Variants in VIPR2 observed in about 807,000 individuals in gnomAD.
VIPR2 encodes vasoactive intestinal peptide receptor 2.
A neutral mutation model predicts 58.0 loss-of-function variants in VIPR2; 48 were observed. That is an observed-to-expected ratio of 0.83 (90% CI 0.66 to 1.05). The LOEUF is 1.05. VIPR2 is among the 50% of genes least tolerant of loss of function. VIPR2 has a pLI of 0.00. For missense variants in VIPR2, 534 were observed against 558.0 expected (o/e 0.96, Z 0.43); for synonymous variants, 243 against 235.2 (o/e 1.03, Z -0.30).
Position 159,132,986 on chromosome 7 carries a change from T to C in VIPR2, c.151+9460A>G, listed in dbSNP as rs4909114. Among the ~76,000 whole-genome samples, 106 of 107,144 alleles carry C rather than the reference T, an allele frequency of 9.9e-4. 2 individuals carry two copies. The highest frequency in any genetic ancestry group is 2.2e-3 in the African/African-American group (53 of 24,626). The allele number at this position is 107,144 out of a possible 152,430, so 70.3% of individuals were successfully genotyped here. On this transcript the variant is annotated intron_variant, in intron 2 of 12. Transcript: ENST00000262178. ...GAATGATTGGCATACCGATTGATTT[T>C]AGACAGAATGATTGGCATACAGATT...
chr7:159,081,313 A>T (rs368061732), intron 4 of VIPR2, among the ~76,000 whole-genome samples: 2 of 152,314 alleles, frequency 1.3e-5, no homozygotes, highest in East Asian at 3.9e-4. Context: ...AAATAATGCC[A>T]CATATCTACA....
chr7:159,095,119 C>T lies in VIPR2; in HGVS notation c.357+8638G>A, dbSNP rs569258253. Among the ~76,000 whole-genome samples, 4 of 152,226 alleles carry T rather than the reference C, an allele frequency of 2.6e-5. No individual in the cohort carries two copies. The highest frequency in any genetic ancestry group is 3.9e-4 in the East Asian group (2 of 5,188). ...GCTAGGGAGAGTTCCAGATTAAAGC[C>T]GGGGAGCCACCACAACCACACACAG... On this transcript the variant is annotated intron_variant, in intron 4 of 12. Transcript: ENST00000262178. The surrounding 1 kb of genome is among the most constrained non-coding windows in gnomAD (Gnocchi z 5.2).
In VIPR2 at chr7:159,142,529, G is replaced by C; in HGVS notation, c.68C>G (p.Pro23Arg). The change falls in exon 2 of 13, where the codon CCA (proline) becomes CGA (arginine). Residue 23 changes from proline (P) to arginine (R), a missense_variant. Around this residue, in one of 3 missense-constraint regions of VIPR2, gnomAD observed 224 missense variants for 255.7 expected, o/e 0.88. Coordinates refer to ENST00000262178, the MANE Select transcript of VIPR2 (RefSeq NM_003382.5). ...WLLAPVNSIH[P>R]ECRFHLEIQE... ...TATTTCCAGATGAAATCGGCATTCT[G>C]GGTGAATGCTGTTCACCTGTTCACG... 6.2e-7 allele frequency: 1 copy of C among 1,612,418 alleles called. No homozygotes were observed. Among genetic ancestry groups the C allele is most frequent in the Non-Finnish European group, 8.5e-7 (1 of 1,178,714 alleles).
intron 5 of VIPR2, among the ~76,000 whole-genome samples, chr7:159,050,881 A>G (rs542798267): frequency 6.6e-6 from 1 of 152,368 alleles, no homozygotes; most frequent in Non-Finnish European, 1.5e-5. Context: ...CTTTCAGAGG[A>G]AAAAAGACAC....
At chr7:159,074,266 T>G (rs1417953723) in intron 4 of VIPR2, among the ~76,000 whole-genome samples, 2 of 152,126 alleles carry the variant, frequency 1.3e-5, no homozygotes, top group Non-Finnish European at 2.9e-5. Flanking sequence ...GGGCCTAAAG[T>G]GAGGAAACTG....
chr7:159,062,738 A>C (rs565189057), intron 4 of VIPR2, among the ~76,000 whole-genome samples: 1 of 152,112 alleles, frequency 6.6e-6, no homozygotes, highest in South Asian at 2.1e-4. Flanking sequence ...ACATAAGGAG[A>C]CCCAGTGAAT....
In VIPR2 at chr7:159,030,994, C is replaced by T. The variant is rs554573641; in HGVS notation, c.1144-205G>A. ...GACGGCCACAGGAGGGCGGGGGACG[C>T]TGCCAGACTCTAAGACTGTGCGTGG... is the stretch of plus-strand genomic sequence containing the variant. On this transcript the variant is annotated intron_variant, in intron 12 of 12. Coordinates refer to ENST00000262178, the MANE Select transcript of VIPR2 (RefSeq NM_003382.5). Among the ~76,000 whole-genome samples the T allele has an allele frequency of 2.8e-3, 421 of 152,362 alleles. 2 individuals are homozygous for T. The highest frequency in any genetic ancestry group is 9.9e-3 in the African/African-American group (410 of 41,578).
At chr7:159,134,049 C>G (rs1357499843) in intron 2 of VIPR2, among the ~76,000 whole-genome samples, 2 of 152,130 alleles carry the variant, frequency 1.3e-5, no homozygotes, top group African/African-American at 2.4e-5. Context: ...TGAAATTATA[C>G]TAAGTTAAAT....
chr7:159,034,444 C>T (rs994331863), intron 9 of VIPR2, 137 bp downstream of exon 9: 1 of 1,265,322 alleles, frequency 7.9e-7, no homozygotes, highest in Non-Finnish European at 1.1e-6. Context: ...GTCCACATGC[C>T]TGAAGAGGTC....
Position 159,031,316 on chromosome 7 carries a change from T to TGGGGC in VIPR2, c.1143+507_1143+511dup, listed in dbSNP as rs1231310309. On this transcript the variant is annotated intron_variant, in intron 12 of 12. Coordinates refer to ENST00000262178, the MANE Select transcript of VIPR2 (RefSeq NM_003382.5). The surrounding 1 kb of genome is among the most constrained non-coding windows in gnomAD (Gnocchi z 4.0). ...AAAGAAAGCGCCAGCAACCGCAGCG[T>TGGGGC]GGGGCGGGAGGGTCAGGGGTCAGGG... Among the ~76,000 whole-genome samples, 1 of 143,274 alleles carries TGGGGC rather than the reference T, an allele frequency of 7.0e-6. No homozygotes were observed. Among genetic ancestry groups the TGGGGC allele is most frequent in the Non-Finnish European group, 1.5e-5 (1 of 65,758 alleles). 94.0% of individuals were successfully genotyped at this position (143,274 alleles called of 152,430 possible).
chr7:159,040,318 C>G (rs572342456), intron 6 of VIPR2, among the ~76,000 whole-genome samples: 77 of 152,360 alleles, frequency 5.1e-4, no homozygotes, highest in African/African-American at 1.9e-3. Flanking sequence ...ACAGCTGGTC[C>G]CTCCTCAGCC....
intron 2 of VIPR2, among the ~76,000 whole-genome samples, chr7:159,123,393 G>T (rs973479797): frequency 6.6e-6 from 1 of 150,932 alleles, no homozygotes; most frequent in Non-Finnish European, 1.5e-5. Context: ...ACTTACAAGT[G>T]AGAATGTGTA....
rs1857872881 is a variant in VIPR2, at chr7:159,096,786, T to G, written c.357+6971A>C. ...GATTTCTGCCCCTGCCTGAGGTCAG[T>G]CTCGTGGCCCCCGCAGCAGCCACAG... On this transcript the variant is annotated intron_variant, in intron 4 of 12. Coordinates refer to ENST00000262178, the MANE Select transcript of VIPR2 (RefSeq NM_003382.5). The surrounding 1 kb of genome is among the most constrained non-coding windows in gnomAD (Gnocchi z 5.5). 2 of 1,421,448 alleles carry G rather than the reference T, an allele frequency of 1.4e-6. No homozygotes were observed. Among genetic ancestry groups the G allele is most frequent in the Non-Finnish European group, 1.8e-6 (2 of 1,082,346 alleles). The allele number at this position is 1,421,448 out of a possible 1,614,324, so 88.1% of individuals were successfully genotyped here.
chr7:159,028,706 C>T lies in VIPR2; in HGVS notation c.*1910G>A, dbSNP rs1302976218. Reference sequence around the variant, plus strand: ...GAACAGCCGAGGGGCCGCACTGAACCTGGGGTCTGCAGCGTCCACCTGCCT... The same window carrying T: ...GAACAGCCGAGGGGCCGCACTGAACTTGGGGTCTGCAGCGTCCACCTGCCT... On this transcript the variant is annotated 3_prime_UTR_variant, in exon 13 of 13. Coordinates refer to ENST00000262178, the MANE Select transcript of VIPR2 (RefSeq NM_003382.5). 6.5e-6 allele frequency: 1 copy of T among 152,906 alleles called. No homozygotes were observed. Among genetic ancestry groups the T allele is most frequent in the African/African-American group, 2.4e-5 (1 of 41,484 alleles). The allele number at this position is 152,906 out of a possible 1,614,324, so 9.5% of individuals were successfully genotyped here.
intron 1 of VIPR2, chr7:159,144,276 T>TTTA (rs1797596014): frequency 7.4e-7 from 1 of 1,347,664 alleles, no homozygotes; most frequent in African/African-American, 1.5e-5. Context: ...CGACGCCACG[T>TTTA]CCCCCCGACA....
intron 8 of VIPR2, among the ~76,000 whole-genome samples, chr7:159,035,483 C>T (rs191314951): frequency 3.0e-4 from 45 of 152,338 alleles, no homozygotes; most frequent in Admixed American, 2.2e-3. Context: ...TGGAACCACG[C>T]GTGCTCATGT....
intron 2 of VIPR2, among the ~76,000 whole-genome samples, chr7:159,136,454 G>A (rs1797231161): frequency 6.6e-6 from 1 of 152,138 alleles, no homozygotes; most frequent in Non-Finnish European, 1.5e-5. Flanking sequence ...TCAAAAACAT[G>A]TGAGAGTCGA....
chr7:159,049,475 C>A (rs992638991), intron 5 of VIPR2, among the ~76,000 whole-genome samples: 7 of 152,116 alleles, frequency 4.6e-5, no homozygotes, highest in Admixed American at 4.6e-4. Flanking sequence ...GCTCTCCGGG[C>A]ACAGAGGGTG....
At chr7:159,133,032 C>CGATTGATTTTAGACAG (rs1563355768) in intron 2 of VIPR2, among the ~76,000 whole-genome samples, 11 of 103,554 alleles carry the variant, frequency 1.1e-4, no homozygotes, top group South Asian at 2.8e-4. Context: ...AGAATGATTC[C>CGATTGATTTTAGACAG]AAAAATGCAG....
Sources: gnomAD v4.1 joint callset for allele counts (sites outside exome capture counted in the v4.1 genomes callset) on GRCh38, gnomAD v4.1.1 for gene constraint, gnomAD v4.1.1 regional missense constraint, Gnocchi (gnomAD v3.1) non-coding constraint, MANE v1.5 for transcripts, NCBI Gene and HGNC (gene_info 2026-07-23, HGNC 2026-07-21) for gene names.